The following C10orf90 variants were observed in gnomAD, a reference collection of about 807,000 sequenced individuals.
The protein encoded by C10orf90 is (E2-independent) E3 ubiquitin-conjugating enzyme FATS.
In C10orf90, 56 loss-of-function variants were observed where a neutral mutation model predicts 62.5. The observed-to-expected ratio is 0.90, with a 90% CI of 0.72 to 1.12. C10orf90 has a LOEUF of 1.12. Among genes scored for constraint, C10orf90 ranks in the 50% most tolerant of loss-of-function variants. The probability of loss-of-function intolerance (pLI) is 0.00; values close to 1 mark genes in which losing one functional copy is unlikely to be tolerated. For synonymous variants in C10orf90, 386 were observed against 340.4 expected, an observed-to-expected ratio of 1.13 and a Z score of -1.47; for missense variants, 970 against 880.4, an observed-to-expected ratio of 1.10 and a Z score of -1.29.
intron 2 of C10orf90, among the ~76,000 whole-genome samples, chr10:126,526,670 G>C (rs1863959167): frequency 5.3e-5 from 8 of 152,072 alleles, no homozygotes. Flanking sequence ...CCAAATTCCA[G>C]AACATTTTCA....
In C10orf90 at chr10:126,503,059, C is replaced by A. The variant is rs367570719; in HGVS notation, c.1534+898G>T. On this transcript the variant is annotated intron_variant, in intron 4 of 9. Transcript: ENST00000488181. ...CCGTAAAATTATGATGCATATCCTG[C>A]ATTTTCAATTGTATACTAATATCTT... Among the ~76,000 whole-genome samples the A allele has an allele frequency of 3.2e-4, 49 of 152,286 alleles. 3 individuals carry two copies. In the South Asian group the frequency reaches 9.8e-3, roughly 30 times the overall value.
chr10:126,650,637 C>T (rs567287606), intron 1 of C10orf90, among the ~76,000 whole-genome samples: 125 of 152,090 alleles, frequency 8.2e-4, no homozygotes, highest in Non-Finnish European at 1.5e-3. Flanking sequence ...GATCAAGTAC[C>T]GTAAGAAAAT....
chr10:126,547,402 G>C lies in C10orf90; in HGVS notation c.314-33463C>G, dbSNP rs1400517370. Among the ~76,000 whole-genome samples the C allele has an allele frequency of 2.7e-5, 4 of 145,700 alleles. No individual in the cohort carries two copies. In the East Asian group the frequency reaches 8.2e-4, roughly 30 times the overall value. Reference sequence around the variant, plus strand: ...CCACTGCACTCCAGCCTGGGCGACAGAGCAAGACTGTCAAAAAAAAAAAAA... The same window carrying C: ...CCACTGCACTCCAGCCTGGGCGACACAGCAAGACTGTCAAAAAAAAAAAAA... On this transcript the variant is annotated intron_variant, in intron 2 of 9. Coordinates refer to ENST00000488181, the MANE Select transcript of C10orf90 (RefSeq NM_001350921.2).
At chr10:126,426,131 A>G (rs1220636652) in intron 8 of C10orf90, 41 bp from the exon 9 acceptor site, 1 of 1,524,518 alleles carries the variant, frequency 6.6e-7, no homozygotes, top group East Asian at 2.3e-5. Flanking sequence ...GTAGCTTGAC[A>G]GCGTGCTCCC....
intron 1 of C10orf90, among the ~76,000 whole-genome samples, chr10:126,647,013 A>G (rs1016275864): frequency 1.3e-5 from 2 of 152,154 alleles, no homozygotes; most frequent in African/African-American, 4.8e-5. Flanking sequence ...CATTCAATAA[A>G]TATTGATAAA....
intron 4 of C10orf90, among the ~76,000 whole-genome samples, chr10:126,496,121 T>C (rs926720561): frequency 6.6e-6 from 1 of 152,220 alleles, no homozygotes; most frequent in African/African-American, 2.4e-5. Flanking sequence ...GCCCATTACC[T>C]GGTCAGCCTG....
chr10:126,610,832 G>C (rs565800235), intron 2 of C10orf90, among the ~76,000 whole-genome samples: 2 of 152,160 alleles, frequency 1.3e-5, no homozygotes, highest in South Asian at 4.2e-4. Flanking sequence ...AGAGAGGAGA[G>C]CTCAAATGAA....
At chr10:126,638,146 GC>G (rs1226715406) in intron 2 of C10orf90, among the ~76,000 whole-genome samples, 6 of 152,058 alleles carry the variant, frequency 3.9e-5, no homozygotes, top group Non-Finnish European at 8.8e-5. Context: ...GGTTCACTGG[GC>G]CCCCCTGCCT....
At chr10:126,461,189 C>A (rs1859951036) in intron 6 of C10orf90, among the ~76,000 whole-genome samples, 1 of 152,194 alleles carries the variant, frequency 6.6e-6, no homozygotes, top group South Asian at 2.1e-4. Flanking sequence ...GATCTTCATT[C>A]TAACCTGGAG....
At chr10:126,611,758 T>C (rs5023821) in intron 2 of C10orf90, among the ~76,000 whole-genome samples, 30,762 of 152,038 alleles carry the variant, frequency 0.2, 3,235 homozygotes, top group South Asian at 0.34. Flanking sequence ...TGGCCAGAGA[T>C]TTAAGGTGCT....
At chr10:126,521,085 G>T (rs1442069502) in intron 2 of C10orf90, among the ~76,000 whole-genome samples, 1 of 152,060 alleles carries the variant, frequency 6.6e-6, no homozygotes, top group East Asian at 1.9e-4. Context: ...CCCCCAACAG[G>T]CGCTACCGTG....
chr10:126,595,342 T>C (rs1350827547), intron 2 of C10orf90, among the ~76,000 whole-genome samples: 2 of 152,208 alleles, frequency 1.3e-5, no homozygotes, highest in Non-Finnish European at 2.9e-5. Context: ...TCCACTGAGA[T>C]GCAGAATGTG....
Position 126,503,996 on chromosome 10 carries a change from G to T in C10orf90, c.1495C>A (p.Gln499Lys), listed in dbSNP as rs1404428009. Residue 499 changes from glutamine (Q) to lysine (K), a missense_variant, in exon 4 of 10, where the codon CAA (glutamine) becomes AAA (lysine). Transcript: ENST00000488181. ...THCHASDHANQLSIHIPGWSY... is the reference protein window; with the variant it reads ...THCHASDHANKLSIHIPGWSY... ...CAGCCAGGAATGTGAATGGACAGTT[G>T]GTTGGCATGATCGCTGGCGTGACAA... 2 of 1,613,292 alleles carry T rather than the reference G, an allele frequency of 1.2e-6. No homozygotes were observed. The highest frequency in any genetic ancestry group is 2.2e-5 in the East Asian group (1 of 44,880).
At chr10:126,654,366 G>C (rs1257224082) in intron 1 of C10orf90, among the ~76,000 whole-genome samples, 2 of 152,222 alleles carry the variant, frequency 1.3e-5, no homozygotes, top group Non-Finnish European at 2.9e-5. Flanking sequence ...TAGGGTTGCT[G>C]CTTCGCCGTG....
chr10:126,504,137 A>G lies in C10orf90; in HGVS notation c.1354T>C (p.Leu452=), dbSNP rs773483835. ...KETPSLRRVH[L]GTGACPWSGS... ...CTCCAAGGACAAGCGCCGGTCCCCAAATGCACCCGCCTCAACGATGGGGTT... is the reference window on the plus strand; with the variant it reads ...CTCCAAGGACAAGCGCCGGTCCCCAGATGCACCCGCCTCAACGATGGGGTT... Residue 452 remains leucine, a synonymous_variant, in exon 4 of 10, where the codon TTG becomes CTG. Transcript: ENST00000488181. The surrounding 1 kb of genome is among the most constrained non-coding windows in gnomAD (Gnocchi z 4.1). 309 of 1,613,888 alleles carry G rather than the reference A, an allele frequency of 1.9e-4. 1 individual carries two copies. The highest frequency in any genetic ancestry group is 2.2e-5 in the East Asian group (1 of 44,872).
chr10:126,510,339 C>A (rs549635552), intron 3 of C10orf90, among the ~76,000 whole-genome samples: 10 of 152,096 alleles, frequency 6.6e-5, no homozygotes, highest in Non-Finnish European at 1.3e-4. Context: ...CTAAGTCAGC[C>A]GACTACTTTT....
intron 2 of C10orf90, among the ~76,000 whole-genome samples, chr10:126,522,136 C>T (rs369906829): frequency 2.1e-3 from 326 of 152,250 alleles, no homozygotes; most frequent in African/African-American, 7.5e-3. Context: ...GGCATGATGG[C>T]GCATGCCTGT....
At chr10:126,543,617 A>G (rs1864424898) in intron 2 of C10orf90, among the ~76,000 whole-genome samples, 1 of 152,158 alleles carries the variant, frequency 6.6e-6, no homozygotes, top group Admixed American at 6.5e-5. Context: ...AGACCAAGCC[A>G]ATGGCTCATG....
In C10orf90 at chr10:126,454,782, C is replaced by T. The variant is rs993597965; in HGVS notation, c.2188+4258G>A. 8.5e-5 allele frequency among the ~76,000 whole-genome samples: 13 copies of T among 152,150 alleles called. No individual in the cohort carries two copies. In the East Asian group the frequency reaches 9.7e-4, roughly 11 times the overall value. ...AACACGCTAATTCCCAGGTTATGGCCGGCCTTTGAACATGACCCAATCCAC... is the reference window on the plus strand; with the variant it reads ...AACACGCTAATTCCCAGGTTATGGCTGGCCTTTGAACATGACCCAATCCAC... On this transcript the variant is annotated intron_variant, in intron 7 of 9. Coordinates refer to ENST00000488181, the MANE Select transcript of C10orf90 (RefSeq NM_001350921.2).
Sources: gnomAD v4.1 joint callset for allele counts (sites outside exome capture counted in the v4.1 genomes callset) on GRCh38, gnomAD v4.1.1 for gene constraint, Gnocchi (gnomAD v3.1) non-coding constraint, MANE v1.5 for transcripts, NCBI Gene and HGNC (gene_info 2026-07-23, HGNC 2026-07-21) for gene names.